Variants in LPP observed in about 807,000 individuals in gnomAD.
The protein encoded by LPP is lipoma-preferred partner.
Under a neutral mutation model 60.4 loss-of-function variants are expected in LPP, and 38 were observed. The observed-to-expected ratio is 0.63, with a 90% CI of 0.49 to 0.83. The LOEUF is 0.83. Among genes scored for constraint, LPP ranks in the 40% least tolerant of loss-of-function variants. The pLI is 0.00. For synonymous variants in LPP, 328 were observed against 290.8 expected (o/e 1.13, Z -1.30); for missense variants, 902 against 783.6 (o/e 1.15, Z -1.80).
At chr3:188,486,088 C>T (rs1806420174) in intron 5 of LPP, among the ~76,000 whole-genome samples, 2 of 151,788 alleles carry the variant, frequency 1.3e-5, no homozygotes, top group Admixed American at 1.3e-4. Flanking sequence ...TTATGGCATA[C>T]ATGAGATATT....
chr3:188,459,198 G>A (rs972169895), intron 4 of LPP, among the ~76,000 whole-genome samples: 1 of 152,014 alleles, frequency 6.6e-6, no homozygotes, highest in East Asian at 1.9e-4. Flanking sequence ...AGAGACTTCC[G>A]CCATTCCCTA....
At chr3:188,762,812 G>T (rs1285340881) in intron 9 of LPP, among the ~76,000 whole-genome samples, 2 of 151,530 alleles carry the variant, frequency 1.3e-5, no homozygotes, top group Non-Finnish European at 2.9e-5. Flanking sequence ...ATTTAATCAA[G>T]GTTTTTCTTT....
intron 9 of LPP, among the ~76,000 whole-genome samples, chr3:188,822,268 A>G (rs1424920483): frequency 6.6e-6 from 1 of 151,040 alleles, no homozygotes; most frequent in Non-Finnish European, 1.5e-5. Context: ...GCATGTAAAA[A>G]CTCTCTTCTC....
rs1020717753 is a variant in LPP at position 188,878,835 on chromosome 3, T to G, written c.*4356T>G. Reference sequence around the variant, plus strand: ...TTCATCTTAATATATTCTAGTAGTATTTATTTTTTCCTTGTCTTGGAAGTA... The same window carrying G: ...TTCATCTTAATATATTCTAGTAGTAGTTATTTTTTCCTTGTCTTGGAAGTA... On this transcript the variant is annotated 3_prime_UTR_variant, in exon 12 of 12. Coordinates refer to ENST00000617246, the MANE Select transcript of LPP (RefSeq NM_001375462.1). 3 of 211,754 alleles carry G rather than the reference T, an allele frequency of 1.4e-5. No homozygotes were observed. The highest frequency in any genetic ancestry group is 2.9e-5 in the Non-Finnish European group (3 of 104,722). 13.1% of individuals were successfully genotyped at this position (211,754 alleles called of 1,614,324 possible).
At chr3:188,361,645 C>G (rs1410681837) in intron 3 of LPP, among the ~76,000 whole-genome samples, 1 of 151,036 alleles carries the variant, frequency 6.6e-6, no homozygotes, top group East Asian at 2.0e-4. Flanking sequence ...CGGCTCACTG[C>G]AACCTCCACC....
intron 5 of LPP, among the ~76,000 whole-genome samples, chr3:188,497,657 T>G (rs940266803): frequency 3.3e-5 from 5 of 152,136 alleles, no homozygotes; most frequent in Non-Finnish European, 7.4e-5. Flanking sequence ...GTTAGGTATT[T>G]CATGGAGAGA....
chr3:188,788,952 C>A (rs1011400349), intron 9 of LPP, among the ~76,000 whole-genome samples: 1 of 152,132 alleles, frequency 6.6e-6, no homozygotes, highest in Non-Finnish European at 1.5e-5. Flanking sequence ...GTCTTTGGGG[C>A]CCCTTCTCAG....
At chr3:188,591,797 A>T (rs796099126) in intron 6 of LPP, among the ~76,000 whole-genome samples, 10 of 152,328 alleles carry the variant, frequency 6.6e-5, no homozygotes, top group African/African-American at 2.4e-4. Flanking sequence ...AACAACAATA[A>T]ATGACTGGTC....
rs560554683 is a variant in LPP at position 188,231,391 on chromosome 3, G to T, written c.-67+5864G>T. ...ATCAATTTTACTTGAAGACATTTTT[G>T]GGGGAAAACTCCATTTAAAACTCTT... On this transcript the variant is annotated intron_variant, in intron 2 of 11. Coordinates refer to ENST00000617246, the MANE Select transcript of LPP (RefSeq NM_001375462.1). 1.1e-4 allele frequency among the ~76,000 whole-genome samples: 17 copies of T among 152,258 alleles called. No individual in the cohort carries two copies. In the South Asian group the frequency reaches 2.9e-3, roughly 26 times the overall value.
At chr3:188,227,650 G>C (rs886209082) in intron 2 of LPP, among the ~76,000 whole-genome samples, 2 of 152,114 alleles carry the variant, frequency 1.3e-5, no homozygotes, top group African/African-American at 4.8e-5. Context: ...CAGGACTCTA[G>C]CTCTGTTTTT....
At chr3:188,711,745 G>C (rs1159492884) in intron 8 of LPP, 1 of 152,162 alleles carries the variant, frequency 6.6e-6, no homozygotes, top group African/African-American at 2.4e-5. Flanking sequence ...TGTGTACAGA[G>C]TTATGGTGTT....
At chr3:188,691,950 A>C (rs1862210361) in intron 7 of LPP, among the ~76,000 whole-genome samples, 2 of 152,176 alleles carry the variant, frequency 1.3e-5, no homozygotes, top group African/African-American at 4.8e-5. Flanking sequence ...ACTCACAGCT[A>C]AGCTTTTATG....
intron 2 of LPP, among the ~76,000 whole-genome samples, chr3:188,255,400 G>A (rs768790344): frequency 6.6e-5 from 10 of 152,170 alleles, no homozygotes; most frequent in Non-Finnish European, 1.2e-4. Context: ...TGAAATTGGT[G>A]CTTTTCCTCT....
At chr3:188,532,233 C>T (rs1019222879) in intron 6 of LPP, among the ~76,000 whole-genome samples, 4 of 151,578 alleles carry the variant, frequency 2.6e-5, no homozygotes, top group Admixed American at 6.6e-5. Context: ...ATGGCGAAAC[C>T]CCAGCTCTAC....
chr3:188,782,761 C>T (rs993877942), intron 9 of LPP, among the ~76,000 whole-genome samples: 2 of 151,716 alleles, frequency 1.3e-5, no homozygotes, highest in African/African-American at 4.8e-5. Context: ...CAAAACACAG[C>T]CGGGCATAAT....
intron 8 of LPP, among the ~76,000 whole-genome samples, chr3:188,749,414 A>G (rs1030976907): frequency 1.3e-5 from 2 of 152,102 alleles, no homozygotes. Context: ...TACTTTCTAA[A>G]TTTTCTACAC....
intron 8 of LPP, among the ~76,000 whole-genome samples, chr3:188,722,865 A>AAT (rs752330519): frequency 6.6e-6 from 1 of 152,218 alleles, no homozygotes; most frequent in Non-Finnish European, 1.5e-5. Context: ...CTAGTGCAGC[A>AAT]TCTGGTTTGA....
chr3:188,816,295 G>C lies in LPP; in HGVS notation c.1411-49905G>C, dbSNP rs1419391135. Among the ~76,000 whole-genome samples, 5 of 143,178 alleles carry C rather than the reference G, an allele frequency of 3.5e-5. No homozygotes were observed. In the South Asian group the frequency reaches 1.2e-3, roughly 33 times the overall value. The allele number at this position is 143,178 out of a possible 152,430, so 93.9% of individuals were successfully genotyped here. A position where few individuals can be genotyped will look rare whatever the true frequency, so the allele number is the denominator to read the frequency against. ...TGGCTCACTCCAAGCTCCACCTCCC[G>C]GGTTCACACCATTCTCATGCCTCAG... is the stretch of plus-strand genomic sequence containing the variant. On this transcript the variant is annotated intron_variant, in intron 9 of 11. Transcript: ENST00000617246.
intron 9 of LPP, among the ~76,000 whole-genome samples, chr3:188,786,712 C>T (rs117342170): frequency 5.9e-5 from 9 of 152,238 alleles, no homozygotes; most frequent in East Asian, 5.8e-4. Flanking sequence ...AATGGTTAAA[C>T]GGTGGCACAT....
Sources: allele counts gnomAD v4.1 joint callset (sites outside exome capture counted in the v4.1 genomes callset), GRCh38; gene constraint gnomAD v4.1.1; transcripts MANE v1.5; gene names NCBI Gene and HGNC (gene_info 2026-07-23, HGNC 2026-07-21).